CCDC141: variants seen among roughly 807,000 people sequenced by gnomAD.
CCDC141 encodes coiled-coil domain containing 141.
CCDC141 carries 168 observed loss-of-function variants against 181.0 expected under a neutral mutation model. The ratio of observed to expected loss-of-function variants is 0.93; its 90% confidence interval spans 0.82 to 1.05. The LOEUF (loss-of-function observed/expected upper bound fraction) is 1.05. CCDC141 is among the 50% of genes least tolerant of loss of function. The pLI, the probability that CCDC141 is intolerant of heterozygous loss-of-function variation, is 0.00. For synonymous variants in CCDC141, 666 were observed against 642.3 expected (o/e 1.04, Z -0.56); for missense variants, 1,902 against 1,788.5 (o/e 1.06, Z -1.14).
At chr2:178,889,549 A>T (rs1039450761) in intron 8 of CCDC141, among the ~76,000 whole-genome samples, 1 of 152,218 alleles carries the variant, frequency 6.6e-6, no homozygotes. Flanking sequence ...AGCTCAGAAC[A>T]AGGTACAGGT....
intron 2 of CCDC141, among the ~76,000 whole-genome samples, chr2:178,996,006 A>C (rs1255991367): frequency 6.6e-6 from 1 of 152,190 alleles, no homozygotes; most frequent in East Asian, 1.9e-4. Context: ...TTATATTAAA[A>C]GTTTTAGATT....
At chr2:178,876,272 A>G (rs1686352730) in intron 12 of CCDC141, 1 of 152,206 alleles carries the variant, frequency 6.6e-6, no homozygotes, top group Non-Finnish European at 1.5e-5. Context: ...ATCTTTGAAA[A>G]TCTACAGAAA....
chr2:178,824,617 C>CA, the CCDC141 span, among the ~76,000 whole-genome samples: 8,971 of 52,250 alleles, frequency 0.17, 1,799 homozygotes, highest in Non-Finnish European at 0.21. Context: ...GAGACTTCGT[C>CA]AAAAAAAAAA....
At chr2:178,950,422 G>A (rs1010701205) in intron 5 of CCDC141, among the ~76,000 whole-genome samples, 3 of 152,148 alleles carry the variant, frequency 2.0e-5, no homozygotes, top group South Asian at 2.1e-4. Context: ...CTTAACTAGC[G>A]ATGACCAGAT....
Position 179,047,326 on chromosome 2 carries a change from T to G in CCDC141, c.183A>C (p.Lys61Asn). 1 of 1,544,246 alleles carries G rather than the reference T, an allele frequency of 6.5e-7. No homozygotes were observed. The highest frequency in any genetic ancestry group is 8.7e-7 in the Non-Finnish European group (1 of 1,145,386). ...GAAGTTCATGATCATGAAGAAGTTT[T>G]TTGGTTTCATCTTGACTGCTGCCAA... ...LEIGSSQDET[K>N]KLLHDHELLL... Residue 61 changes from lysine to asparagine, a missense_variant, in exon 2 of 24, where the codon AAA (lysine) becomes AAC (asparagine). Lys to Asn is a moderately conservative substitution (Grantham distance 94). Coordinates refer to ENST00000443758, the MANE Select transcript of CCDC141 (RefSeq NM_173648.4).
chr2:178,893,823 G>GCA (rs34654821), intron 8 of CCDC141, among the ~76,000 whole-genome samples: 5,032 of 141,932 alleles, frequency 0.035, 147 homozygotes, highest in African/African-American at 0.088. Context: ...ACACACACAC[G>GCA]CACACACACA....
chr2:179,007,483 T>G (rs539789948), intron 2 of CCDC141, among the ~76,000 whole-genome samples: 1 of 152,320 alleles, frequency 6.6e-6, no homozygotes, highest in East Asian at 1.9e-4. Context: ...CATGTTACTT[T>G]GGAACATGGT....
chr2:178,817,793 T>TCATC, the CCDC141 span: 11 of 218,336 alleles, frequency 5.0e-5, no homozygotes, highest in East Asian at 1.0e-3. Context: ...CTTCCTTCCT[T>TCATC]CCTCCCTCCC....
chr2:178,869,857 A>C (rs1323007976), intron 14 of CCDC141, among the ~76,000 whole-genome samples: 1 of 152,218 alleles, frequency 6.6e-6, no homozygotes, highest in Non-Finnish European at 1.5e-5. Flanking sequence ...GGAGGGATAA[A>C]CTGCCTTGCC....
chr2:178,991,204 A>C (rs1692038906), intron 2 of CCDC141, among the ~76,000 whole-genome samples: 1 of 152,196 alleles, frequency 6.6e-6, no homozygotes, highest in Non-Finnish European at 1.5e-5. Context: ...TCTCCTTTTT[A>C]TAAAACCTCT....
intron 21 of CCDC141, among the ~76,000 whole-genome samples, chr2:178,847,714 T>A (rs1684999312): frequency 6.6e-6 from 1 of 152,132 alleles, no homozygotes; most frequent in Non-Finnish European, 1.5e-5. Flanking sequence ...TATACTAGTG[T>A]TATAGCCTGA....
chr2:178,985,539 G>C (rs11899143), intron 2 of CCDC141, among the ~76,000 whole-genome samples: 125 of 150,958 alleles, frequency 8.3e-4, no homozygotes, highest in African/African-American at 2.0e-3. Context: ...CTGGTTTTTT[G>C]AAAGGATCAA....
At chr2:178,825,186 T>C (rs1161399318), downstream of CCDC141, 1 of 152,212 alleles carries the variant, frequency 6.6e-6, no homozygotes, top group African/African-American at 2.4e-5. Context: ...AAAATATGAC[T>C]TTATGAAATA....
chr2:179,043,425 A>G (rs1388607573), intron 2 of CCDC141, among the ~76,000 whole-genome samples: 1 of 152,198 alleles, frequency 6.6e-6, no homozygotes, highest in African/African-American at 2.4e-5. Flanking sequence ...GCCTTGATGA[A>G]CATTGATGCA....
chr2:178,936,413 C>T (rs1236863676), intron 6 of CCDC141, among the ~76,000 whole-genome samples: 3 of 151,872 alleles, frequency 2.0e-5, no homozygotes, highest in Non-Finnish European at 1.5e-5. Flanking sequence ...CATAGGTTTG[C>T]GGCCTTATTT....
intron 2 of CCDC141, among the ~76,000 whole-genome samples, chr2:179,017,173 G>C (rs1356277600): frequency 6.6e-6 from 1 of 151,910 alleles, no homozygotes; most frequent in African/African-American, 2.4e-5. Context: ...AGTGCATACT[G>C]GTGGCCTGTT....
chr2:178,946,643 T>C (rs780289300), intron 5 of CCDC141, among the ~76,000 whole-genome samples: 2 of 152,186 alleles, frequency 1.3e-5, no homozygotes, highest in South Asian at 4.1e-4. Flanking sequence ...GAACCTCAGA[T>C]AATCTTATTA....
chr2:178,918,768 A>G lies in CCDC141; in HGVS notation c.1037T>C (p.Val346Ala), dbSNP rs933723643. The change falls in exon 7 of 24, where the codon GTG (valine) becomes GCG (alanine). Residue 346 changes from valine (V) to alanine (A), a missense_variant. Val to Ala is a moderately conservative substitution (Grantham distance 64, BLOSUM62 0). Coordinates refer to ENST00000443758, the MANE Select transcript of CCDC141 (RefSeq NM_173648.4). ...QLQEEFGQLM[V>A]ERNTWLKKAN... ...CTTCTTTAACCAGGTATTCCTTTCC[A>G]CCATGAGTTGACCAAATTCTTCTTG... 6 of 1,550,446 alleles carry G rather than the reference A, an allele frequency of 3.9e-6. No individual in the cohort carries two copies. The highest frequency in any genetic ancestry group is 5.2e-6 in the Non-Finnish European group (6 of 1,146,994).
chr2:179,000,637 A>T (rs2041941565), intron 2 of CCDC141, among the ~76,000 whole-genome samples: 1 of 152,174 alleles, frequency 6.6e-6, no homozygotes, highest in Admixed American at 6.6e-5. Flanking sequence ...CCCTGTTGTT[A>T]AATTTTAAAT....
Sources: allele counts gnomAD v4.1 joint callset (sites outside exome capture counted in the v4.1 genomes callset), GRCh38; gene constraint gnomAD v4.1.1; transcripts MANE v1.5; gene names NCBI Gene and HGNC (gene_info 2026-07-23, HGNC 2026-07-21).